FAM131A: variants seen among roughly 807,000 people sequenced by gnomAD.
FAM131A encodes the protein family with sequence similarity 131 member A.
Under a neutral mutation model 39.2 loss-of-function variants are expected in FAM131A, and 24 were observed. The observed-to-expected ratio is 0.61, with a 90% CI of 0.44 to 0.86. FAM131A has a LOEUF of 0.86. Ranked by LOEUF, FAM131A falls within the 40% of genes least tolerant of loss-of-function variation. FAM131A has a pLI of 0.00. For synonymous variants in FAM131A, 202 were observed against 206.8 expected (o/e 0.98, Z 0.20); for missense variants, 373 against 481.2 (o/e 0.78, Z 2.10).
intron 2 of FAM131A, chr3:184,338,757 C>T: frequency 3.9e-6 from 2 of 514,352 alleles, no homozygotes; most frequent in Non-Finnish European, 3.4e-6. Context: ...GCATCCCGGG[C>T]CGTATCCCGG....
At position 184,342,872 on chromosome 3, in the gene FAM131A, C is replaced by A; in HGVS notation, c.625+12C>A. On this transcript the variant is annotated intron_variant, in intron 5 of 5. Transcript: ENST00000383847. The surrounding 1 kb of genome is among the most constrained non-coding windows in gnomAD (Gnocchi z 4.6). Reference sequence around the variant, plus strand: ...GGGAATGGACACAGGTGAGGGACATCCTGGGCTAGGGCTGTGGTGGACCCA... The same window carrying A: ...GGGAATGGACACAGGTGAGGGACATACTGGGCTAGGGCTGTGGTGGACCCA... 6.2e-7 allele frequency: 1 copy of A among 1,606,474 alleles called. No individual in the cohort carries two copies. Among genetic ancestry groups the A allele is most frequent in the African/African-American group, 1.3e-5 (1 of 74,882 alleles).
In FAM131A at chr3:184,342,094, G is replaced by A; in HGVS notation, c.354G>A (p.Val118=). 1 of 1,614,194 alleles carries A rather than the reference G, an allele frequency of 6.2e-7. No individual in the cohort carries two copies. The highest frequency in any genetic ancestry group is 8.5e-7 in the Non-Finnish European group (1 of 1,180,044). The part of the protein sequence containing the change: ...HGISQVVKDH[V]TKPTAMAQGR... ...TTTCCCAGGTGGTGAAGGACCACGT[G>A]ACCAAGCCTACCGCCATGGCCCAGG... Residue 118 remains valine (V), a synonymous_variant, in exon 4 of 6, where the codon GTG becomes GTA. Transcript: ENST00000383847. This position sits in a 1 kb window ranked among gnomAD's most constrained non-coding sequence, Gnocchi z 4.6.
intron 5 of FAM131A, among the ~76,000 whole-genome samples, chr3:184,343,443 C>T (rs1268454670): frequency 6.6e-6 from 1 of 152,184 alleles, no homozygotes; most frequent in Non-Finnish European, 1.5e-5. Context: ...CTGTGTTCGG[C>T]CCTCCTTTCA....
chr3:184,344,899 C>G lies in FAM131A; in HGVS notation c.1030C>G (p.Gln344Glu). The G allele has an allele frequency of 6.2e-7, 1 of 1,608,024 alleles. No individual in the cohort carries two copies. Among genetic ancestry groups the G allele is most frequent in the Non-Finnish European group, 8.5e-7 (1 of 1,179,550 alleles). Residue 344 changes from glutamine (Q) to glutamate (E), a missense_variant, in exon 6 of 6, where the codon CAA becomes GAA. This residue lies in a region of FAM131A where 152 missense variants were observed against 133.5 expected (regional missense o/e 1.14). Coordinates refer to ENST00000383847, the MANE Select transcript of FAM131A (RefSeq NM_144635.5). ...PLTGSWERQR[Q>E]ASDLASSGVV... ...AACGGGCAGCTGGGAACGGCAGCGG[C>G]AAGCCTCTGACCTGGCCTCTTCTGG...
intron 2 of FAM131A, chr3:184,338,784 G>C: frequency 2.2e-6 from 1 of 456,502 alleles, no homozygotes. Flanking sequence ...CTGTTGCGTG[G>C]TGATGGGTTG....
Position 184,345,306 on chromosome 3 carries a change from T to A in FAM131A, c.*336T>A. ...GGATAATGTGAACCACTAAGGGGGT[T>A]GTGACTGGGCTGTGTGAGGGTGGGG... On this transcript the variant is annotated 3_prime_UTR_variant, in exon 6 of 6. Transcript: ENST00000383847. 1 of 564,658 alleles carries A rather than the reference T, an allele frequency of 1.8e-6. No individual in the cohort carries two copies. The highest frequency in any genetic ancestry group is 3.1e-6 in the Non-Finnish European group (1 of 321,808). 35.0% of individuals were successfully genotyped at this position (564,658 alleles called of 1,614,324 possible). A position where few individuals can be genotyped will look rare whatever the true frequency, so the allele number is the denominator to read the frequency against.
At position 184,345,560 on chromosome 3, in the gene FAM131A, T is replaced by C. The variant is rs1307686269; in HGVS notation, c.*590T>C. ...CATCGTCTCTAAATCTTCCTCTTTT[T>C]TCCTAAAGACAGAAGGTTTTTGGTC... On this transcript the variant is annotated 3_prime_UTR_variant, in exon 6 of 6. Coordinates refer to ENST00000383847, the MANE Select transcript of FAM131A (RefSeq NM_144635.5). The C allele has an allele frequency of 1.4e-6, 1 of 703,182 alleles. No individual in the cohort carries two copies. The highest frequency in any genetic ancestry group is 2.0e-5 in the Admixed American group (1 of 49,998). 43.6% of individuals were successfully genotyped at this position (703,182 alleles called of 1,614,324 possible).
rs1276026027 is a variant in FAM131A, at chr3:184,338,452, T to C, written c.154T>C (p.Leu52=). The C allele has an allele frequency of 6.5e-7, 1 of 1,528,044 alleles. No homozygotes were observed. Among genetic ancestry groups the C allele is most frequent in the Non-Finnish European group, 8.7e-7 (1 of 1,143,000 alleles). The allele number at this position is 1,528,044 out of a possible 1,614,324, so 94.7% of individuals were successfully genotyped here. The change falls in exon 2 of 6, where the codon TTG becomes CTG. Residue 52 remains leucine (L), a synonymous_variant. Transcript: ENST00000383847. The stretch of plus-strand genomic sequence containing the variant: ...TCCTCGGGGTCTCTCTCTATCCTCT[T>C]TGGGATCTGCTCGAACCCTCCGAGG... The part of the protein sequence containing the change: ...ELPRGLSLSS[L]GSARTLRGWS...
Position 184,345,008 on chromosome 3 carries a change from TG to T in FAM131A, c.*39del. On this transcript the variant is annotated 3_prime_UTR_variant, in exon 6 of 6. Transcript: ENST00000383847. ...CTGGCAGTGGCATGCATCCCCCGGC[TG>T]CTGCCAGGGGCAGAGCCTCTGTGCC... 1 of 1,459,790 alleles carries T rather than the reference TG, an allele frequency of 6.9e-7. No homozygotes were observed. The highest frequency in any genetic ancestry group is 9.1e-7 in the Non-Finnish European group (1 of 1,100,420). The allele number at this position is 1,459,790 out of a possible 1,614,324, so 90.4% of individuals were successfully genotyped here.
At position 184,344,688 on chromosome 3, in the gene FAM131A, C is replaced by T; in HGVS notation, c.819C>T (p.Ser273=). The T allele has an allele frequency of 6.2e-7, 1 of 1,612,492 alleles. No homozygotes were observed. The highest frequency in any genetic ancestry group is 2.2e-5 in the East Asian group (1 of 44,882). The change falls in exon 6 of 6, where the codon TCC becomes TCT. Residue 273 remains serine (S), a synonymous_variant. Coordinates refer to ENST00000383847, the MANE Select transcript of FAM131A (RefSeq NM_144635.5). ...GLLGSPARLA[S]QLLGDELLLA... Reference sequence around the variant, plus strand: ...TGGGCTCCCCGGCCCGGCTGGCCTCCCAGCTGCTGGGCGATGAGCTGCTTC... The same window carrying T: ...TGGGCTCCCCGGCCCGGCTGGCCTCTCAGCTGCTGGGCGATGAGCTGCTTC...
rs1727634871 is a variant in FAM131A at position 184,345,904 on chromosome 3, CAGTG to C, written c.*940_*943del. On this transcript the variant is annotated 3_prime_UTR_variant, in exon 6 of 6. Coordinates refer to ENST00000383847, the MANE Select transcript of FAM131A (RefSeq NM_144635.5). ...GCCTGCTGAGAGGCAGGAATTGTGC[CAGTG>C]AGTGACAGTCATGAGGGAGTGTCTC... The C allele has an allele frequency of 2.6e-6, 1 of 389,768 alleles. No homozygotes were observed. The highest frequency in any genetic ancestry group is 4.6e-6 in the Non-Finnish European group (1 of 218,536). The allele number at this position is 389,768 out of a possible 1,614,324, so 24.1% of individuals were successfully genotyped here. A position where few individuals can be genotyped will look rare whatever the true frequency, so the allele number is the denominator to read the frequency against.
chr3:184,341,540 T>C, intron 2 of FAM131A, 184 bp from the exon 3 acceptor site: 1 of 606,778 alleles, frequency 1.6e-6, no homozygotes, highest in Non-Finnish European at 2.9e-6. Flanking sequence ...CATTGCTTTC[T>C]GGGAGGACAT....
intron 5 of FAM131A, chr3:184,343,116 A>C (rs1347624904): frequency 4.7e-5 from 8 of 168,932 alleles, no homozygotes; most frequent in Admixed American, 9.5e-5. Context: ...TGTGCCTTGC[A>C]GTCCTCAAAA....
Position 184,345,372 on chromosome 3 carries a change from T to C in FAM131A, c.*402T>C. The C allele has an allele frequency of 1.6e-6, 1 of 607,542 alleles. No individual in the cohort carries two copies. The highest frequency in any genetic ancestry group is 2.8e-5 in the East Asian group (1 of 35,682). The allele number at this position is 607,542 out of a possible 1,614,324, so 37.6% of individuals were successfully genotyped here. On this transcript the variant is annotated 3_prime_UTR_variant, in exon 6 of 6. Transcript: ENST00000383847. Reference sequence around the variant, plus strand: ...CAACCCCCCACCCTCCCCATGCCTCTCTCTTCTCTGCTTTTCTTCTCACTT... The same window carrying C: ...CAACCCCCCACCCTCCCCATGCCTCCCTCTTCTCTGCTTTTCTTCTCACTT...
intron 5 of FAM131A, chr3:184,343,102 C>T (rs1244959045): frequency 6.0e-5 from 13 of 217,130 alleles, no homozygotes; most frequent in Non-Finnish European, 9.9e-5. Context: ...CCTGTCTGCA[C>T]AGTTGTGCCT....
rs1220306028 is a variant in FAM131A, at chr3:184,344,815, TC to T, written c.951del (p.Ala318ArgfsTer18). 1.2e-6 allele frequency: 2 copies of T among 1,611,732 alleles called. No homozygotes were observed. The highest frequency in any genetic ancestry group is 1.3e-5 in the African/African-American group (1 of 75,020). ...YNSPLTESCL[S>X]PAEEEPAPCK... is the part of the protein sequence containing the mutation. The stretch of plus-strand genomic sequence containing the variant: ...CTCGCCCCTCACAGAGTCCTGCCTT[TC>T]CCCCGCGGAGGAGGAGCCAGCCCCC... On this transcript the variant is annotated frameshift_variant, in exon 6 of 6. Transcript: ENST00000383847. LOFTEE classifies it high-confidence loss of function.
upstream of FAM131A, among the ~76,000 whole-genome samples, chr3:184,336,642 C>T (rs1297837965): frequency 6.6e-6 from 1 of 152,200 alleles, no homozygotes; most frequent in African/African-American, 2.4e-5. This position sits in a 1 kb window ranked among gnomAD's most constrained non-coding sequence, Gnocchi z 5.5. Flanking sequence ...CATTGACTCC[C>T]CTCTTCAGTC....
At chr3:184,336,654 G>C (rs2108538927), upstream of FAM131A, among the ~76,000 whole-genome samples, 1 of 152,352 alleles carries the variant, frequency 6.6e-6, no homozygotes, top group East Asian at 1.9e-4. The surrounding 1 kb of genome is among the most constrained non-coding windows in gnomAD (Gnocchi z 5.5). Context: ...TCTTCAGTCA[G>C]TCGGCGAAGG....
rs777228984 is a variant in FAM131A, at chr3:184,342,360, T to G, written c.508+112T>G. The G allele has an allele frequency of 1.4e-5, 18 of 1,287,918 alleles. No individual in the cohort carries two copies. The highest frequency in any genetic ancestry group is 1.9e-5 in the Non-Finnish European group (18 of 964,404). The allele number at this position is 1,287,918 out of a possible 1,614,324, so 79.8% of individuals were successfully genotyped here. On this transcript the variant is annotated intron_variant, in intron 4 of 5. Coordinates refer to ENST00000383847, the MANE Select transcript of FAM131A (RefSeq NM_144635.5). The surrounding 1 kb of genome is among the most constrained non-coding windows in gnomAD (Gnocchi z 4.6). ...TCTCACTCTGTCGCCCAGGCTGGAGTGCAGTGATGCAATCTCAGCTCACTG... is the reference window on the plus strand; with the variant it reads ...TCTCACTCTGTCGCCCAGGCTGGAGGGCAGTGATGCAATCTCAGCTCACTG...
Sources: gnomAD v4.1 joint callset for allele counts (sites outside exome capture counted in the v4.1 genomes callset) on GRCh38, gnomAD v4.1.1 for gene constraint, gnomAD v4.1.1 regional missense constraint, Gnocchi (gnomAD v3.1) non-coding constraint, MANE v1.5 for transcripts, NCBI Gene and HGNC (gene_info 2026-07-23, HGNC 2026-07-21) for gene names.